CNTN3: variants seen among roughly 807,000 people sequenced by gnomAD.
CNTN3 encodes the protein contactin-3.
In CNTN3, 60 loss-of-function variants were observed where a neutral mutation model predicts 119.1. That is an observed-to-expected ratio of 0.50 (90% CI 0.41 to 0.62). The LOEUF is 0.62. Among genes scored for constraint, CNTN3 ranks in the 20% least tolerant of loss-of-function variants. CNTN3 has a pLI of 0.00. For missense variants in CNTN3, 1,101 were observed against 1,242.4 expected (o/e 0.89, Z 1.71); for synonymous variants, 450 against 438.7 (o/e 1.03, Z -0.32).
chr3:74,395,525 T>C (rs1335730289), intron 5 of CNTN3, among the ~76,000 whole-genome samples: 1 of 152,160 alleles, frequency 6.6e-6, no homozygotes, highest in Non-Finnish European at 1.5e-5. Flanking sequence ...AGTGCCTAAT[T>C]TAGAAAAATA....
rs1704385379 is a variant in CNTN3, at chr3:74,373,199, T to C, written c.455-1800A>G. The stretch of plus-strand genomic sequence containing the variant: ...GTTATTCTCAGGCCTATCCTGATGA[T>C]GCTTTTCTCTTGCAATAGTATTGAA... On this transcript the variant is annotated intron_variant, in intron 5 of 22. Transcript: ENST00000263665. Among the ~76,000 whole-genome samples the C allele has an allele frequency of 2.0e-5, 3 of 152,330 alleles. No homozygotes were observed. In the South Asian group the frequency reaches 6.2e-4, roughly 32 times the overall value.
At chr3:74,319,334 T>C (rs1213503440) in intron 13 of CNTN3, among the ~76,000 whole-genome samples, 15 of 152,168 alleles carry the variant, frequency 9.9e-5, no homozygotes, top group East Asian at 3.9e-4. Flanking sequence ...ATCAATGGAA[T>C]AGAACAGAGC....
chr3:74,560,730 T>C lies in CNTN3; in HGVS notation c.-80-39538A>G, dbSNP rs1704139878. 2.0e-5 allele frequency among the ~76,000 whole-genome samples: 3 copies of C among 152,200 alleles called. No individual in the cohort carries two copies. The South Asian group carries it at 6.2e-4, about 32-fold the overall frequency. ...CTATAAAGACACATGCACACATATG[T>C]TTATTGTGGCACTACTCACAATAGC... On this transcript the variant is annotated intron_variant, in intron 1 of 22. Coordinates refer to ENST00000263665, the MANE Select transcript of CNTN3 (RefSeq NM_020872.3).
At chr3:74,379,510 C>T (rs551955891) in intron 5 of CNTN3, among the ~76,000 whole-genome samples, 8 of 152,124 alleles carry the variant, frequency 5.3e-5, no homozygotes, top group African/African-American at 9.7e-5. Context: ...ATGTCCTTCA[C>T]GTACCCAACT....
At chr3:74,327,370 C>T (rs1007487835) in intron 13 of CNTN3, among the ~76,000 whole-genome samples, 1 of 151,918 alleles carries the variant, frequency 6.6e-6, no homozygotes, top group African/African-American at 2.4e-5. Context: ...CTCAGTGATC[C>T]ACCTGTCTTG....
At chr3:74,448,824 T>G (rs963897371) in intron 4 of CNTN3, among the ~76,000 whole-genome samples, 1 of 152,178 alleles carries the variant, frequency 6.6e-6, no homozygotes, top group Non-Finnish European at 1.5e-5. Context: ...AAACAGTTTT[T>G]GTTTTCTCTG....
chr3:74,482,807 A>T (rs1370246981), intron 4 of CNTN3, among the ~76,000 whole-genome samples: 1 of 152,164 alleles, frequency 6.6e-6, no homozygotes, highest in Non-Finnish European at 1.5e-5. Flanking sequence ...AGTCATGAGC[A>T]TCCTACTAAT....
intron 1 of CNTN3, among the ~76,000 whole-genome samples, chr3:74,587,523 T>A (rs538242751): frequency 3.9e-5 from 6 of 152,118 alleles, no homozygotes; most frequent in Non-Finnish European, 7.4e-5. Context: ...CTGCCACTTA[T>A]GGTGGATATG....
chr3:74,362,842 T>C (rs1704106443), intron 10 of CNTN3, among the ~76,000 whole-genome samples: 3 of 152,174 alleles, frequency 2.0e-5, no homozygotes, highest in Non-Finnish European at 4.4e-5. Context: ...ATTTGATTAG[T>C]GGAAATCTTA....
chr3:74,326,388 A>T (rs1204248202), intron 13 of CNTN3, among the ~76,000 whole-genome samples: 1 of 152,206 alleles, frequency 6.6e-6, no homozygotes, highest in African/African-American at 2.4e-5. Context: ...TGTAATATTT[A>T]GATATATGTA....
At chr3:74,473,342 A>G (rs1175901387) in intron 4 of CNTN3, among the ~76,000 whole-genome samples, 1 of 152,160 alleles carries the variant, frequency 6.6e-6, no homozygotes, top group African/African-American at 2.4e-5. Context: ...CAGGTCAGAG[A>G]TCATTAACCA....
intron 1 of CNTN3, among the ~76,000 whole-genome samples, chr3:74,536,381 A>G (rs562296455): frequency 6.6e-6 from 1 of 152,278 alleles, no homozygotes; most frequent in East Asian, 1.9e-4. Context: ...ACTAGCAGGA[A>G]AAGTTTGAGG....
rs773625727 is a variant in CNTN3, at chr3:74,266,657, G to T, written c.2818-8C>A. The T allele has an allele frequency of 6.2e-7, 1 of 1,611,974 alleles. No individual in the cohort carries two copies. The highest frequency in any genetic ancestry group is 1.7e-5 in the Admixed American group (1 of 59,816). On this transcript the variant is annotated splice_region_variant and splice_polypyrimidine_tract_variant and intron_variant, in intron 21 of 22. Transcript: ENST00000263665. ...GCTAGTCCTATAGAAAACCTAAAAT[G>T]CATGAACAAATACACTTACTTGTTA...
intron 4 of CNTN3, among the ~76,000 whole-genome samples, chr3:74,475,285 T>A (rs1702634627): frequency 6.6e-6 from 1 of 152,112 alleles, no homozygotes; most frequent in African/African-American, 2.4e-5. Context: ...TTGGTTAAAA[T>A]ACAACAAAAT....
chr3:74,426,459 A>T (rs970067851), intron 4 of CNTN3, among the ~76,000 whole-genome samples: 25 of 152,200 alleles, frequency 1.6e-4, no homozygotes, highest in African/African-American at 6.0e-4. Flanking sequence ...AAATTGATAA[A>T]ACCAGAACCT....
At chr3:74,512,596 A>C (rs1330225407) in intron 2 of CNTN3, among the ~76,000 whole-genome samples, 2 of 151,294 alleles carry the variant, frequency 1.3e-5, no homozygotes, top group South Asian at 4.2e-4. Flanking sequence ...CAGAAAAAAA[A>C]CATTAGATTC....
At chr3:74,343,023 A>G (rs563250277) in intron 11 of CNTN3, among the ~76,000 whole-genome samples, 1 of 152,374 alleles carries the variant, frequency 6.6e-6, no homozygotes, top group South Asian at 2.1e-4. Flanking sequence ...GGATATTATT[A>G]AGGTTCACAG....
intron 2 of CNTN3, among the ~76,000 whole-genome samples, chr3:74,507,268 A>G (rs560186251): frequency 2.8e-4 from 42 of 152,116 alleles, no homozygotes; most frequent in African/African-American, 9.2e-4. Context: ...ATAAATAACA[A>G]TTAGTGGGGC....
intron 4 of CNTN3, among the ~76,000 whole-genome samples, chr3:74,428,934 A>C (rs1283029326): frequency 6.6e-6 from 1 of 152,208 alleles, no homozygotes; most frequent in Non-Finnish European, 1.5e-5. Flanking sequence ...CTACAGTATT[A>C]AGTAAAGTGA....
Sources: gnomAD v4.1 joint callset for allele counts (sites outside exome capture counted in the v4.1 genomes callset) on GRCh38, gnomAD v4.1.1 for gene constraint, MANE v1.5 for transcripts, NCBI Gene and HGNC (gene_info 2026-07-23, HGNC 2026-07-21) for gene names.